The following ODR4 variants were observed in gnomAD, a reference collection of about 807,000 sequenced individuals.
ODR4 encodes the protein protein odr-4 homolog.
Under a neutral mutation model 60.2 loss-of-function variants are expected in ODR4, and 47 were observed. That is an observed-to-expected ratio of 0.78 (90% confidence interval 0.62 to 1.00). The LOEUF is 1.00. Among genes scored for constraint, ODR4 ranks in the 50% least tolerant of loss-of-function variants. The pLI, the probability that ODR4 is intolerant of heterozygous loss-of-function variation, is 0.00. For missense variants in ODR4, 488 were observed against 530.8 expected (o/e 0.92, Z 0.79); for synonymous variants, 178 against 175.5 (o/e 1.01, Z -0.11).
intron 3 of ODR4, among the ~76,000 whole-genome samples, chr1:186,383,601 A>G (rs1035122341): frequency 6.6e-6 from 1 of 151,810 alleles, no homozygotes; most frequent in Non-Finnish European, 1.5e-5. Context: ...TCTTTAATAA[A>G]TAAAAGATTT....
the ODR4 span, among the ~76,000 whole-genome samples, chr1:186,432,039 T>C: frequency 6.6e-6 from 1 of 152,194 alleles, no homozygotes; most frequent in Non-Finnish European, 1.5e-5. Flanking sequence ...ATAAAGAATT[T>C]GTCTCATTCA....
intron 12 of ODR4, among the ~76,000 whole-genome samples, chr1:186,410,159 CTTG>C (rs2102080302): frequency 6.6e-6 from 1 of 152,266 alleles, no homozygotes; most frequent in Non-Finnish European, 1.5e-5. Context: ...TACAGCACTT[CTTG>C]TTTTCACATT....
In ODR4 at chr1:186,398,436, G is replaced by A; in HGVS notation, c.904G>A (p.Val302Met). Reference sequence around the variant, plus strand: ...CAGTAAACCCAAAGTTAAAGATGCTGTGCAGGTACAAAAAGGAATAACGAG... The same window carrying A: ...CAGTAAACCCAAAGTTAAAGATGCTATGCAGGTACAAAAAGGAATAACGAG... ...HSSKPKVKDA[V>M]QAVKRDILNT... The change falls in exon 10 of 14, where the codon GTG becomes ATG. Residue 302 changes from valine to methionine, a missense_variant. Coordinates refer to ENST00000287859, the MANE Select transcript of ODR4 (RefSeq NM_017847.6). 1.9e-6 allele frequency: 3 copies of A among 1,602,442 alleles called. No homozygotes were observed. The highest frequency in any genetic ancestry group is 2.2e-5 in the South Asian group (2 of 89,050).
At position 186,392,187 on chromosome 1, in the gene ODR4, G is replaced by T. The variant is rs146136120; in HGVS notation, c.711+396G>T. 1.1e-4 allele frequency among the ~76,000 whole-genome samples: 17 copies of T among 152,334 alleles called. No homozygotes were observed. In the East Asian group the frequency reaches 3.3e-3, roughly 29 times the overall value. ...AGGAATGCTTATAAACCGTTGGTGG[G>T]AGTATAAATAAGTTCAACCATTGTG... On this transcript the variant is annotated intron_variant, in intron 8 of 13. Coordinates refer to ENST00000287859, the MANE Select transcript of ODR4 (RefSeq NM_017847.6).
At position 186,379,740 on chromosome 1, in the gene ODR4, G is replaced by A. The variant is rs943940097; in HGVS notation, c.-19-27G>A. 8 of 1,200,344 alleles carry A rather than the reference G, an allele frequency of 6.7e-6. No homozygotes were observed. In the Admixed American group the frequency reaches 1.1e-4, roughly 17 times the overall value. 74.4% of individuals were successfully genotyped at this position (1,200,344 alleles called of 1,614,324 possible). A position where few individuals can be genotyped will look rare whatever the true frequency, so the allele number is the denominator to read the frequency against. ...ATTGCAAATGATATTTTACCTAAAT[G>A]CTGTATCTTTTCTTCTTGTGATATA... On this transcript the variant is annotated intron_variant, in intron 1 of 13. Coordinates refer to ENST00000287859, the MANE Select transcript of ODR4 (RefSeq NM_017847.6).
rs1051091101 is a variant in ODR4 at position 186,420,194 on chromosome 1, A to G, written c.*1118A>G. On this transcript the variant is annotated 3_prime_UTR_variant, in exon 14 of 14. Coordinates refer to ENST00000287859, the MANE Select transcript of ODR4 (RefSeq NM_017847.6). ...GAGTCATGAATACTGTATTGACCAT[A>G]CAAGTGGATTATGGTTGTCTGGATG... 1.1e-4 allele frequency: 17 copies of G among 152,352 alleles called. No individual in the cohort carries two copies. Among genetic ancestry groups the G allele is most frequent in the Admixed American group, 4.6e-4 (7 of 15,306 alleles). The allele number at this position is 152,352 out of a possible 1,614,324, so 9.4% of individuals were successfully genotyped here.
chr1:186,408,294 G>A (rs1274187962), intron 12 of ODR4, among the ~76,000 whole-genome samples: 6 of 151,952 alleles, frequency 3.9e-5, no homozygotes, highest in Non-Finnish European at 4.4e-5. Flanking sequence ...CCTTTGTGTA[G>A]GAGCTAAATA....
At chr1:186,418,747 C>G (rs2102100978) in intron 13 of ODR4, among the ~76,000 whole-genome samples, 2 of 152,174 alleles carry the variant, frequency 1.3e-5, no homozygotes, top group Non-Finnish European at 2.9e-5. Flanking sequence ...GTTATTTTTT[C>G]TCTTAGATAC....
intron 9 of ODR4, among the ~76,000 whole-genome samples, chr1:186,394,243 T>A (rs1380481164): frequency 6.6e-6 from 1 of 152,072 alleles, no homozygotes; most frequent in Non-Finnish European, 1.5e-5. Flanking sequence ...GATAGCAGTT[T>A]AAAAAAATAT....
the ODR4 span, among the ~76,000 whole-genome samples, chr1:186,429,696 C>G: frequency 6.6e-6 from 1 of 151,036 alleles, no homozygotes; most frequent in African/African-American, 2.5e-5. Context: ...ACCAACATAG[C>G]TAGGAATAAT....
the ODR4 span, among the ~76,000 whole-genome samples, chr1:186,434,366 T>C: frequency 1.3e-5 from 2 of 152,182 alleles, no homozygotes; most frequent in African/African-American, 4.8e-5. Context: ...AGACAATATA[T>C]ACCTCATAAC....
chr1:186,393,396 C>G (rs1660542556), intron 8 of ODR4, among the ~76,000 whole-genome samples: 1 of 152,172 alleles, frequency 6.6e-6, no homozygotes, highest in South Asian at 2.1e-4. Flanking sequence ...GACCTGCAAC[C>G]AAAGGCCACA....
downstream of ODR4, among the ~76,000 whole-genome samples, chr1:186,424,230 A>T (rs1474111739): frequency 6.6e-6 from 1 of 152,202 alleles, no homozygotes; most frequent in East Asian, 1.9e-4. Context: ...TACATACAAC[A>T]ACCCAGAGTA....
chr1:186,397,894 T>C (rs1660764448), intron 9 of ODR4, among the ~76,000 whole-genome samples: 1 of 152,244 alleles, frequency 6.6e-6, no homozygotes, highest in African/African-American at 2.4e-5. Flanking sequence ...ACCATAGTTA[T>C]CACATCCCAC....
At chr1:186,418,174 G>A (rs894862790) in intron 13 of ODR4, among the ~76,000 whole-genome samples, 1 of 152,110 alleles carries the variant, frequency 6.6e-6, no homozygotes, top group Admixed American at 6.5e-5. Context: ...AGAGTTAGGA[G>A]CCAGAAGATT....
At chr1:186,403,244 T>A (rs971072238) in intron 11 of ODR4, among the ~76,000 whole-genome samples, 12 of 152,020 alleles carry the variant, frequency 7.9e-5, no homozygotes, top group East Asian at 1.9e-4. Flanking sequence ...TTTAAAAAAA[T>A]TTTTTTAATT....
At chr1:186,403,627 TG>T in intron 11 of ODR4, among the ~76,000 whole-genome samples, 1 of 151,988 alleles carries the variant, frequency 6.6e-6, no homozygotes. Flanking sequence ...CTTTTAATTT[TG>T]GCTATCCAGA....
chr1:186,393,820 C>T, intron 8 of ODR4, 127 bp from the exon 9 acceptor site: 1 of 619,498 alleles, frequency 1.6e-6, no homozygotes. Context: ...ATATAAAAAG[C>T]TAAATTAAAA....
At chr1:186,425,252 A>T (rs1661864293), downstream of ODR4, among the ~76,000 whole-genome samples, 1 of 152,192 alleles carries the variant, frequency 6.6e-6, no homozygotes, top group Admixed American at 6.5e-5. Flanking sequence ...AAGATGTGTG[A>T]AACTAAAGAC....
Sources: gnomAD v4.1 joint callset for allele counts (sites outside exome capture counted in the v4.1 genomes callset) on GRCh38, gnomAD v4.1.1 for gene constraint, MANE v1.5 for transcripts, NCBI Gene and HGNC (gene_info 2026-07-23, HGNC 2026-07-21) for gene names.